The following LYRM4 variants were observed in gnomAD, a reference collection of about 807,000 sequenced individuals.
The protein encoded by LYRM4 is LYR motif-containing protein 4.
A neutral mutation model predicts 11.7 loss-of-function variants in LYRM4; 9 were observed. That is an observed-to-expected ratio of 0.77 (90% confidence interval 0.46 to 1.34). The LOEUF is 1.34. Among genes scored for constraint, LYRM4 ranks in the 40% most tolerant of loss-of-function variants. The pLI is 0.00. For synonymous variants in LYRM4, 42 were observed against 40.4 expected, an observed-to-expected ratio of 1.04 and a Z score of -0.15; for missense variants, 133 against 112.5, an observed-to-expected ratio of 1.18 and a Z score of -0.82.
intron 2 of LYRM4, among the ~76,000 whole-genome samples, chr6:5,145,808 G>A (rs1304511834): frequency 6.6e-6 from 1 of 152,116 alleles, no homozygotes; most frequent in Non-Finnish European, 1.5e-5. Flanking sequence ...AATATTGACT[G>A]CTAGAGGTGG....
chr6:5,096,478 G>C, the LYRM4 span, among the ~76,000 whole-genome samples: 3 of 152,148 alleles, frequency 2.0e-5, no homozygotes, highest in South Asian at 6.2e-4. Context: ...GACAGAGCAA[G>C]ACTGTTTCAA....
chr6:5,207,723 G>A (rs574307358), intron 2 of LYRM4, among the ~76,000 whole-genome samples: 1 of 152,234 alleles, frequency 6.6e-6, no homozygotes, highest in East Asian at 1.9e-4. Flanking sequence ...TCACATTTTC[G>A]GAGTGTAGTT....
chr6:5,107,707 C>T (rs565573698), downstream of LYRM4: 1 of 152,342 alleles, frequency 6.6e-6, no homozygotes, highest in East Asian at 1.9e-4. Context: ...CTAAGAGCTT[C>T]ATTATTTTCA....
intron 2 of LYRM4, among the ~76,000 whole-genome samples, chr6:5,183,017 T>G (rs952645894): frequency 6.6e-6 from 1 of 152,248 alleles, no homozygotes; most frequent in Non-Finnish European, 1.5e-5. Context: ...TAAGTGAAAG[T>G]ACCTGGCACA....
At chr6:5,247,118 G>T (rs952950490) in intron 1 of LYRM4, among the ~76,000 whole-genome samples, 7 of 152,198 alleles carry the variant, frequency 4.6e-5, no homozygotes, top group African/African-American at 1.7e-4. Context: ...GCCCATTCCA[G>T]AAGGGTGCCT....
At chr6:5,257,043 C>T (rs1205910669) in intron 1 of LYRM4, among the ~76,000 whole-genome samples, 1 of 152,182 alleles carries the variant, frequency 6.6e-6, no homozygotes, top group African/African-American at 2.4e-5. Flanking sequence ...CTCTACTCTG[C>T]ACTGTTGTAA....
chr6:5,185,890 G>A (rs1760361647), intron 2 of LYRM4, among the ~76,000 whole-genome samples: 1 of 152,144 alleles, frequency 6.6e-6, no homozygotes, highest in Admixed American at 6.5e-5. Context: ...GAGTGGGAGG[G>A]CCAGCAGACG....
chr6:5,209,139 G>C (rs1581510415), intron 2 of LYRM4, among the ~76,000 whole-genome samples: 1 of 152,218 alleles, frequency 6.6e-6, no homozygotes, highest in East Asian at 1.9e-4. Context: ...TGTCGCCCAG[G>C]CTGGAGTGCA....
the LYRM4 span, among the ~76,000 whole-genome samples, chr6:5,056,869 T>A: frequency 3.1e-3 from 469 of 152,288 alleles, 2 homozygotes; most frequent in African/African-American, 9.6e-3. Context: ...AAAAATAATG[T>A]TTCACTATAA....
At chr6:5,086,391 C>T in the LYRM4 span, 1 of 1,536,104 alleles carries the variant, frequency 6.5e-7, no homozygotes, top group Non-Finnish European at 8.7e-7. Flanking sequence ...GCTTCCACTT[C>T]TCGCTGTGCC....
At chr6:5,142,032 T>A (rs745702650) in intron 2 of LYRM4, among the ~76,000 whole-genome samples, 8 of 152,058 alleles carry the variant, frequency 5.3e-5, no homozygotes, top group African/African-American at 7.2e-5. Context: ...TCGGGGGGGA[T>A]GCGGGTACAG....
At chr6:5,048,290 GGTGTGTGTGTGTGTGT>G in the LYRM4 span, among the ~76,000 whole-genome samples, 2,059 of 140,050 alleles carry the variant, frequency 0.015, 48 homozygotes, top group African/African-American at 0.05. Context: ...GACACTTTGT[GGTGTGTGTGTGTGTGT>G]GTGTGTGTGT....
the LYRM4 span, among the ~76,000 whole-genome samples, chr6:5,058,858 T>A: frequency 6.6e-6 from 1 of 152,254 alleles, no homozygotes; most frequent in African/African-American, 2.4e-5. Flanking sequence ...AAGGTAAAAA[T>A]GTCTTGCTTC....
chr6:5,234,397 A>AT (rs777556336), intron 1 of LYRM4, among the ~76,000 whole-genome samples: 1 of 152,202 alleles, frequency 6.6e-6, no homozygotes, highest in Non-Finnish European at 1.5e-5. Context: ...CCCTTAGGCT[A>AT]TAAGGATTCA....
At chr6:5,260,525 T>C in intron 1 of LYRM4, 123 bp downstream of exon 1, 1 of 1,341,418 alleles carries the variant, frequency 7.5e-7, no homozygotes, top group Non-Finnish European at 1.0e-6. Flanking sequence ...GCCCGGTCCT[T>C]GCCTCGCAGC....
At chr6:5,251,810 C>T (rs991439651) in intron 1 of LYRM4, among the ~76,000 whole-genome samples, 6 of 152,142 alleles carry the variant, frequency 3.9e-5, no homozygotes, top group Non-Finnish European at 7.3e-5. Context: ...TTAAAAGATC[C>T]GCAACAAGGA....
intron 2 of LYRM4, among the ~76,000 whole-genome samples, chr6:5,118,257 C>T (rs1763237781): frequency 6.6e-6 from 1 of 151,816 alleles, no homozygotes; most frequent in African/African-American, 2.4e-5. Context: ...GCTGGGACTG[C>T]AGGCATGCAC....
chr6:5,215,272 G>A (rs953699672), intron 2 of LYRM4, among the ~76,000 whole-genome samples: 1 of 152,212 alleles, frequency 6.6e-6, no homozygotes, highest in African/African-American at 2.4e-5. Flanking sequence ...TAAGAACTCA[G>A]CTGCTTGTTC....
At position 5,203,334 on chromosome 6, in the gene LYRM4, GTA is replaced by G. The variant is rs146867934; in HGVS notation, c.207+13282_207+13283del. ...ACTGTGAAATCAGGCCTTTCTGTCT[GTA>G]TACAGTAGTCTGCTGCCTGGGACAG... is the stretch of plus-strand genomic sequence containing the variant. On this transcript the variant is annotated intron_variant, in intron 2 of 2. Coordinates refer to ENST00000330636, the MANE Select transcript of LYRM4 (RefSeq NM_020408.6). 6.0e-3 allele frequency among the ~76,000 whole-genome samples: 914 copies of G among 152,316 alleles called. 11 individuals are homozygous for G. The highest frequency in any genetic ancestry group is 0.043 in the South Asian group (207 of 4,824).
Sources: gnomAD v4.1 joint callset for allele counts (sites outside exome capture counted in the v4.1 genomes callset) on GRCh38, gnomAD v4.1.1 for gene constraint, MANE v1.5 for transcripts, NCBI Gene and HGNC (gene_info 2026-07-23, HGNC 2026-07-21) for gene names.